STK3: variants seen among roughly 807,000 people sequenced by gnomAD.
The protein encoded by STK3 is serine/threonine kinase 3.
A neutral mutation model predicts 58.0 loss-of-function variants in STK3; 41 were observed. The ratio of observed to expected loss-of-function variants is 0.71; its 90% CI spans 0.55 to 0.92. The LOEUF (loss-of-function observed/expected upper bound fraction) is 0.92. STK3 is among the 40% of genes least tolerant of loss of function. The probability of loss-of-function intolerance (pLI) is 0.00; values close to 1 mark genes in which losing one functional copy is unlikely to be tolerated. For synonymous variants in STK3, 170 were observed against 191.0 expected (o/e 0.89, Z 0.91); for missense variants, 479 against 602.7 (o/e 0.79, Z 2.15).
At chr8:98,724,427 C>T (rs954127931) in intron 4 of STK3, among the ~76,000 whole-genome samples, 16 of 152,286 alleles carry the variant, frequency 1.1e-4, no homozygotes, top group South Asian at 2.1e-4. Context: ...CATAAAAATA[C>T]ATAAAGTGCA....
intron 3 of STK3, chr8:98,429,476 C>A (rs767058367): frequency 2.5e-6 from 3 of 1,178,088 alleles, no homozygotes; most frequent in Non-Finnish European, 3.7e-6. Context: ...TCTGGCACAG[C>A]CCAGGCACCT....
chr8:98,938,602 A>G (rs1293892228), intron 1 of STK3, among the ~76,000 whole-genome samples: 4 of 152,198 alleles, frequency 2.6e-5, no homozygotes, highest in Admixed American at 2.0e-4. Context: ...TGAGGGGAAC[A>G]TGTGAGTCAG....
downstream of STK3, among the ~76,000 whole-genome samples, chr8:98,400,346 G>GGCCCCAAGGCTGTT (rs1817930801): frequency 6.6e-6 from 1 of 152,198 alleles, no homozygotes; most frequent in South Asian, 2.1e-4. Flanking sequence ...CCAAGGCTGT[G>GGCCCCAAGGCTGTT]CCCCCAGGTG....
chr8:98,935,988 C>T (rs549113425), intron 1 of STK3, among the ~76,000 whole-genome samples: 4 of 152,046 alleles, frequency 2.6e-5, no homozygotes, highest in Non-Finnish European at 5.9e-5. Context: ...CCAATATTGG[C>T]TCACTGCAAG....
rs1408691717 is a variant in STK3, at chr8:98,706,493, G to A, written c.658C>T (p.Pro220Ser). 1 of 1,613,426 alleles carries A rather than the reference G, an allele frequency of 6.2e-7. No individual in the cohort carries two copies. The highest frequency in any genetic ancestry group is 1.7e-5 in the Admixed American group (1 of 59,894). ...CTCATTGGATGTATATCAGCATAAG[G>A]AGGTTTTCCTTCAGCCATTTCTATA... is the stretch of plus-strand genomic sequence containing the variant. The part of the protein sequence containing the change: ...TSIEMAEGKP[P>S]YADIHPMRAI... Residue 220 changes from proline (P) to serine (S), a missense_variant, in exon 6 of 11, where the codon CCT becomes TCT. Physicochemically the swap from Pro to Ser is moderately conservative, Grantham distance 74 (BLOSUM62 -1). Around this residue, in one of 3 missense-constraint regions of STK3, gnomAD observed 309 missense variants for 355.7 expected, o/e 0.87. Transcript: ENST00000419617.
At chr8:98,768,225 G>A (rs942455190) in intron 2 of STK3, among the ~76,000 whole-genome samples, 4 of 151,984 alleles carry the variant, frequency 2.6e-5, no homozygotes, top group African/African-American at 4.8e-5. Context: ...CACTATTATC[G>A]TCATTAAAAG....
At chr8:98,872,847 G>T (rs1464533873) in intron 3 of STK3, among the ~76,000 whole-genome samples, 1 of 152,040 alleles carries the variant, frequency 6.6e-6, no homozygotes, top group Non-Finnish European at 1.5e-5. Context: ...CCTTAGTTCT[G>T]CTCTGATCTT....
chr8:98,884,589 C>T (rs7000253), intron 1 of STK3, among the ~76,000 whole-genome samples: 1,665 of 152,036 alleles, frequency 0.011, 29 homozygotes, highest in African/African-American at 0.037. Flanking sequence ...TGCTTATGTC[C>T]CCTTAAAATC....
intron 6 of STK3, among the ~76,000 whole-genome samples, chr8:98,696,261 G>C (rs1168863256): frequency 2.0e-5 from 3 of 152,174 alleles, no homozygotes; most frequent in Non-Finnish European, 2.9e-5. Flanking sequence ...TTTGGGCTGA[G>C]ACAATGGGGT....
At chr8:98,747,344 C>T (rs377188389) in intron 4 of STK3, among the ~76,000 whole-genome samples, 2 of 152,002 alleles carry the variant, frequency 1.3e-5, no homozygotes, top group African/African-American at 2.4e-5. Context: ...ACAGACCATA[C>T]AAGCTCTTAA....
chr8:98,649,439 C>A (rs1472973189), intron 6 of STK3, among the ~76,000 whole-genome samples: 1 of 152,110 alleles, frequency 6.6e-6, no homozygotes, highest in Non-Finnish European at 1.5e-5. Context: ...TGCATATAGT[C>A]CAGAATTCAT....
chr8:98,593,308 A>T (rs1317508127), intron 7 of STK3, among the ~76,000 whole-genome samples: 2 of 152,224 alleles, frequency 1.3e-5, no homozygotes, highest in Non-Finnish European at 2.9e-5. Flanking sequence ...TATTTTAAAA[A>T]TCCATCAGGA....
chr8:98,721,124 G>A (rs1250779753), intron 4 of STK3: 1 of 985,092 alleles, frequency 1.0e-6, no homozygotes. Context: ...TTAATGGGTG[G>A]CTTTATGAGC....
intron 1 of STK3, among the ~76,000 whole-genome samples, chr8:98,814,308 C>T (rs1834407488): frequency 6.6e-6 from 1 of 151,674 alleles, no homozygotes. Context: ...GCCTCAACCT[C>T]CCAAAGTTCT....
chr8:98,488,873 C>A (rs1305560303), intron 10 of STK3, among the ~76,000 whole-genome samples: 1 of 152,170 alleles, frequency 6.6e-6, no homozygotes, highest in Non-Finnish European at 1.5e-5. Context: ...GTCTCTATTG[C>A]AACTACATGT....
chr8:98,628,048 A>G (rs193095368), intron 6 of STK3, among the ~76,000 whole-genome samples: 108 of 152,348 alleles, frequency 7.1e-4, no homozygotes, highest in Non-Finnish European at 1.1e-3. Flanking sequence ...CAAACATGTA[A>G]CCTAATTCTC....
intron 6 of STK3, among the ~76,000 whole-genome samples, chr8:98,622,227 C>T (rs1432542812): frequency 1.3e-5 from 2 of 151,888 alleles, no homozygotes; most frequent in East Asian, 1.9e-4. Context: ...TGAGATTGCG[C>T]CACTGCACTC....
At chr8:98,377,713 C>T (rs1483334700) in intron 2 of STK3, among the ~76,000 whole-genome samples, 1 of 152,080 alleles carries the variant, frequency 6.6e-6, no homozygotes, top group Non-Finnish European at 1.5e-5. Flanking sequence ...CTCTGCCATC[C>T]TGAGAGCTGC....
chr8:98,392,523 GTT>G (rs1429033005), upstream of STK3, among the ~76,000 whole-genome samples: 1 of 152,172 alleles, frequency 6.6e-6, no homozygotes, highest in South Asian at 2.1e-4. Context: ...ATGAAAAGAA[GTT>G]TTGAGAATTT....
Sources: gnomAD v4.1 joint callset for allele counts (sites outside exome capture counted in the v4.1 genomes callset) on GRCh38, gnomAD v4.1.1 for gene constraint, gnomAD v4.1.1 regional missense constraint, MANE v1.5 for transcripts, NCBI Gene and HGNC (gene_info 2026-07-23, HGNC 2026-07-21) for gene names.